Variants in MAML3 observed in about 807,000 individuals in gnomAD.
The protein encoded by MAML3 is mastermind-like protein 3.
A neutral mutation model predicts 101.9 loss-of-function variants in MAML3; 27 were observed. The observed-to-expected ratio is 0.27, with a 90% CI of 0.20 to 0.37. The LOEUF is 0.37. Among genes scored for constraint, MAML3 ranks in the 10% least tolerant of loss-of-function variants. The probability of loss-of-function intolerance (pLI) is 1.00; values close to 1 mark genes in which losing one functional copy is unlikely to be tolerated. For synonymous variants in MAML3, 501 were observed against 555.9 expected (o/e 0.90, Z 1.39); for missense variants, 1,316 against 1,444.9 (o/e 0.91, Z 1.45).
chr4:139,783,867 C>A (rs145779816), intron 2 of MAML3, among the ~76,000 whole-genome samples: 1 of 152,160 alleles, frequency 6.6e-6, no homozygotes, highest in Non-Finnish European at 1.5e-5. Context: ...TGTGACAGCC[C>A]GGGCTGCTGA....
chr4:140,130,286 C>T (rs1286929337), intron 1 of MAML3, among the ~76,000 whole-genome samples: 12 of 152,190 alleles, frequency 7.9e-5, no homozygotes, highest in Non-Finnish European at 1.5e-5. Flanking sequence ...AATGTCTACG[C>T]TTACAGACTA....
chr4:139,911,556 A>G (rs914359982), intron 1 of MAML3, among the ~76,000 whole-genome samples: 6 of 152,252 alleles, frequency 3.9e-5, no homozygotes, highest in African/African-American at 1.4e-4. Flanking sequence ...ATTTCATGGT[A>G]TATTGCTATG....
intron 2 of MAML3, among the ~76,000 whole-genome samples, chr4:139,807,373 C>A (rs1286470581): frequency 6.6e-6 from 1 of 152,134 alleles, no homozygotes; most frequent in African/African-American, 2.4e-5. Context: ...TAACCCATAC[C>A]TGAAAGCCTC....
At chr4:139,737,278 A>T (rs1378109880) in intron 2 of MAML3, among the ~76,000 whole-genome samples, 1 of 151,878 alleles carries the variant, frequency 6.6e-6, no homozygotes, top group Non-Finnish European at 1.5e-5. Flanking sequence ...ACACTCTACT[A>T]GGGGCTTTCA....
intron 1 of MAML3, among the ~76,000 whole-genome samples, chr4:140,074,291 A>G (rs1262679995): frequency 6.6e-6 from 1 of 151,964 alleles, no homozygotes; most frequent in African/African-American, 2.4e-5. Flanking sequence ...GGAGAGGGTC[A>G]TTATTCATCC....
In MAML3 at chr4:139,819,911, T is replaced by C. The variant is rs145453308; in HGVS notation, c.2079+69446A>G. On this transcript the variant is annotated intron_variant, in intron 2 of 4. Coordinates refer to ENST00000509479, the MANE Select transcript of MAML3 (RefSeq NM_018717.5). ...GAAGAACACACTAATTTTCTTCCGC[T>C]CTGATTCCCGTAGTATTAAGATAGT... Among the ~76,000 whole-genome samples, 1,395 of 152,320 alleles carry C rather than the reference T, an allele frequency of 9.2e-3. 6 individuals are homozygous for C. Among genetic ancestry groups the C allele is most frequent in the African/African-American group, 0.017 (724 of 41,562 alleles).
intron 2 of MAML3, among the ~76,000 whole-genome samples, chr4:139,746,656 A>G (rs1255224016): frequency 1.3e-5 from 2 of 152,160 alleles, no homozygotes; most frequent in South Asian, 4.1e-4. Flanking sequence ...TAAAGGAACA[A>G]GATTCCGCAG....
chr4:140,070,565 A>G (rs1727631463), intron 1 of MAML3, among the ~76,000 whole-genome samples: 1 of 152,218 alleles, frequency 6.6e-6, no homozygotes, highest in African/African-American at 2.4e-5. Context: ...CATCTCTACA[A>G]CTGACACCCA....
chr4:139,998,031 G>T (rs578256579), intron 1 of MAML3, among the ~76,000 whole-genome samples: 7 of 152,016 alleles, frequency 4.6e-5, no homozygotes, highest in South Asian at 4.2e-4. Context: ...CTATTTGTTG[G>T]GTGTGTATAT....
chr4:139,931,848 A>G (rs1375792305), intron 1 of MAML3, among the ~76,000 whole-genome samples: 1 of 135,684 alleles, frequency 7.4e-6, no homozygotes, highest in African/African-American at 2.9e-5. Flanking sequence ...CGTCTCTACT[A>G]AAAAAAAAAA....
chr4:139,910,565 T>C (rs186294963), intron 1 of MAML3, among the ~76,000 whole-genome samples: 89 of 152,316 alleles, frequency 5.8e-4, no homozygotes, highest in Non-Finnish European at 4.6e-4. Flanking sequence ...AGTTGTAGAA[T>C]AGTACTGTAA....
At chr4:140,023,045 G>A (rs1726757053) in intron 1 of MAML3, among the ~76,000 whole-genome samples, 1 of 152,118 alleles carries the variant, frequency 6.6e-6, no homozygotes, top group Non-Finnish European at 1.5e-5. Context: ...GATATTGAAG[G>A]CTCTGAGACA....
At chr4:139,826,018 G>C (rs186127878) in intron 2 of MAML3, among the ~76,000 whole-genome samples, 146 of 152,286 alleles carry the variant, frequency 9.6e-4, no homozygotes, top group African/African-American at 3.4e-3. Context: ...CTTTTCCATG[G>C]GAGCCCTGTG....
chr4:140,151,691 G>GA (rs751926739), intron 1 of MAML3, among the ~76,000 whole-genome samples: 1 of 6,180 alleles, frequency 1.6e-4, no homozygotes, highest in Non-Finnish European at 3.2e-4. Context: ...GGCGCGGTGC[G>GA]GGGGGGGGGG....
At chr4:139,977,241 A>G (rs1483933304) in intron 1 of MAML3, among the ~76,000 whole-genome samples, 8 of 152,166 alleles carry the variant, frequency 5.3e-5, no homozygotes, top group Non-Finnish European at 1.2e-4. Context: ...AGTTAATGGT[A>G]TCTTGTCATA....
intron 1 of MAML3, among the ~76,000 whole-genome samples, chr4:140,110,421 G>T (rs570467652): frequency 6.6e-6 from 1 of 152,072 alleles, no homozygotes; most frequent in Non-Finnish European, 1.5e-5. Context: ...TTTCCTTCAC[G>T]CTCTAATAAT....
chr4:139,889,577 A>G lies in MAML3; in HGVS notation c.1859T>C (p.Val620Ala). 6.2e-7 allele frequency: 1 copy of G among 1,613,310 alleles called. No homozygotes were observed. Among genetic ancestry groups the G allele is most frequent in the Middle Eastern group, 1.7e-4 (1 of 6,060 alleles). The change falls in exon 2 of 5, where the codon GTG becomes GCG. Residue 620 changes from valine (V) to alanine (A), a missense_variant. By Grantham distance (64) the Val-to-Ala change is moderately conservative. Coordinates refer to ENST00000509479, the MANE Select transcript of MAML3 (RefSeq NM_018717.5). Reference sequence around the variant, plus strand: ...CAAGGGGTTTTTGTTGGGGTTGGCCACTGGTGGTGTCATCCTCTGACTCAG... The same window carrying G: ...CAAGGGGTTTTTGTTGGGGTTGGCCGCTGGTGGTGTCATCCTCTGACTCAG... The part of the protein sequence containing the change: ...ADLSQRMTPP[V>A]ANPNKNPLMP...
At chr4:139,733,446 CT>C (rs1345063461) in intron 2 of MAML3, among the ~76,000 whole-genome samples, 1 of 151,888 alleles carries the variant, frequency 6.6e-6, no homozygotes, top group Non-Finnish European at 1.5e-5. Context: ...TCCCAGCCTC[CT>C]CTCCACTGGG....
chr4:140,093,711 A>G (rs543814815), intron 1 of MAML3, among the ~76,000 whole-genome samples: 1 of 152,108 alleles, frequency 6.6e-6, no homozygotes, highest in East Asian at 1.9e-4. Flanking sequence ...TACAGGCGTG[A>G]GCCACCGTGC....
Sources: allele counts gnomAD v4.1 joint callset (sites outside exome capture counted in the v4.1 genomes callset), GRCh38; gene constraint gnomAD v4.1.1; transcripts MANE v1.5; gene names NCBI Gene and HGNC (gene_info 2026-07-23, HGNC 2026-07-21).